The following CES1 variants were observed in gnomAD, a reference collection of about 807,000 sequenced individuals.
CES1 encodes liver carboxylesterase 1.
CES1 carries 50 observed loss-of-function variants against 53.0 expected under a neutral mutation model. That is an observed-to-expected ratio of 0.94 (90% confidence interval 0.75 to 1.19). The LOEUF (loss-of-function observed/expected upper bound fraction) is 1.19, where lower values mean the gene tolerates loss of function less well. Among genes scored for constraint, CES1 ranks in the 50% most tolerant of loss-of-function variants. CES1 has a pLI of 0.00. For missense variants in CES1, 534 were observed against 538.0 expected, an observed-to-expected ratio of 0.99 and a Z score of 0.07; for synonymous variants, 202 against 210.1, an observed-to-expected ratio of 0.96 and a Z score of 0.33.
chr16:55,810,696 C>G (rs758328420), intron 10 of CES1, 32 bp from the exon 11 acceptor site: 1 of 1,613,402 alleles, frequency 6.2e-7, no homozygotes, highest in Non-Finnish European at 8.5e-7. Context: ...CCACCAGCCC[C>G]GGGTGAGCGA....
intron 1 of CES1, among the ~76,000 whole-genome samples, chr16:55,830,925 G>A (rs1419879186): frequency 2.0e-5 from 3 of 152,162 alleles, no homozygotes; most frequent in Non-Finnish European, 2.9e-5. Context: ...TGGGGGAAAT[G>A]GAAGGGAAAG....
chr16:55,812,523 G>C (rs1449687176), intron 9 of CES1: 6 of 336,106 alleles, frequency 1.8e-5, no homozygotes, highest in Admixed American at 4.0e-5. Flanking sequence ...GGGGAATTAC[G>C]CACACCCAGC....
In CES1 at chr16:55,828,994, C is replaced by G. The variant is rs1362220736; in HGVS notation, c.53-20G>C. On this transcript the variant is annotated intron_variant, in intron 1 of 13. Coordinates refer to ENST00000360526, the MANE Select transcript of CES1 (RefSeq NM_001025195.2). ...GCCCTGCTGGACATGGAGAATAAAT[C>G]AGGATGCATCAGAGGCAAAAGGCTG... 1 of 1,580,874 alleles carries G rather than the reference C, an allele frequency of 6.3e-7. No individual in the cohort carries two copies. The highest frequency in any genetic ancestry group is 8.6e-7 in the Non-Finnish European group (1 of 1,162,874).
intron 10 of CES1, 124 bp downstream of exon 10, chr16:55,810,803 G>T: frequency 7.1e-7 from 1 of 1,411,310 alleles, no homozygotes; most frequent in East Asian, 2.3e-5. Flanking sequence ...AGTGGGAAAG[G>T]TGGAAAGATG....
At chr16:55,825,175 A>AGAAT (rs3064342) in intron 3 of CES1, among the ~76,000 whole-genome samples, 8,995 of 150,298 alleles carry the variant, frequency 0.06, 122 homozygotes, top group East Asian at 0.096. Flanking sequence ...ACACAATAGA[A>AGAAT]GAATGAATGA....
chr16:55,811,049 G>A, intron 9 of CES1, 39 bp from the exon 10 acceptor site: 1 of 1,507,622 alleles, frequency 6.6e-7, no homozygotes, highest in South Asian at 1.1e-5. Flanking sequence ...TGAATCATTG[G>A]GAATTAATGA....
chr16:55,815,693 G>C (rs2031911856), intron 8 of CES1, among the ~76,000 whole-genome samples: 1 of 151,704 alleles, frequency 6.6e-6, no homozygotes, highest in Non-Finnish European at 1.5e-5. Context: ...CCACAGCCCT[G>C]TCTAAGCAGC....
intron 5 of CES1, 143 bp downstream of exon 5, chr16:55,821,225 C>G (rs1417497803): frequency 3.6e-6 from 4 of 1,117,470 alleles, no homozygotes; most frequent in Non-Finnish European, 5.3e-6. Flanking sequence ...CTTTCTACCC[C>G]CTGATGCTGG....
At chr16:55,831,231 G>T (rs146941053) in intron 1 of CES1, among the ~76,000 whole-genome samples, 1 of 152,122 alleles carries the variant, frequency 6.6e-6, no homozygotes, top group East Asian at 1.9e-4. Flanking sequence ...GAGAGAGAAC[G>T]TTCCCATGTC....
At chr16:55,811,531 C>A (rs1424938598) in intron 9 of CES1, among the ~76,000 whole-genome samples, 1 of 152,138 alleles carries the variant, frequency 6.6e-6, no homozygotes, top group African/African-American at 2.4e-5. Flanking sequence ...CAACTCTTCC[C>A]AAACCTCTGC....
At position 55,816,899 on chromosome 16, in the gene CES1, T is replaced by C. The variant is rs747303901; in HGVS notation, c.945+25A>G. On this transcript the variant is annotated intron_variant, in intron 8 of 13. Coordinates refer to ENST00000360526, the MANE Select transcript of CES1 (RefSeq NM_001025195.2). Reference sequence around the variant, plus strand: ...TAAAGGTGCTAAGACTCAAAACCCGTAATCCAGAAACAAAAGGTCCTTACC... The same window carrying C: ...TAAAGGTGCTAAGACTCAAAACCCGCAATCCAGAAACAAAAGGTCCTTACC... The C allele has an allele frequency of 4.3e-6, 7 of 1,612,984 alleles. No homozygotes were observed. In the South Asian group the frequency reaches 7.7e-5, roughly 18 times the overall value.
intron 1 of CES1, among the ~76,000 whole-genome samples, chr16:55,831,115 G>T (rs28394287): frequency 0.047 from 7,081 of 150,456 alleles, 230 homozygotes; most frequent in Middle Eastern, 0.1. Context: ...TACGGTGGAT[G>T]TGTATGGCTT....
chr16:55,826,665 G>A (rs1191832646), intron 2 of CES1, among the ~76,000 whole-genome samples: 1 of 152,134 alleles, frequency 6.6e-6, no homozygotes, highest in Non-Finnish European at 1.5e-5. Flanking sequence ...CTCTAGTTTT[G>A]TCTCTCCCAT....
chr16:55,809,241 G>C (rs1430998676), intron 11 of CES1, among the ~76,000 whole-genome samples: 3 of 152,158 alleles, frequency 2.0e-5, no homozygotes, highest in African/African-American at 7.2e-5. Flanking sequence ...GCAAGTTTAA[G>C]AAAGAACAGA....
At chr16:55,817,426 T>G (rs2031990266) in intron 7 of CES1, among the ~76,000 whole-genome samples, 1 of 152,206 alleles carries the variant, frequency 6.6e-6, no homozygotes. Flanking sequence ...AACACATTTC[T>G]TTTTCTGTTC....
rs375059282 is a variant in CES1, at chr16:55,826,356, C to T, written c.261-61G>A. On this transcript the variant is annotated intron_variant, in intron 2 of 13. Transcript: ENST00000360526. ...CCAGATCTAAGCGAGGTGTTTTCTA[C>T]GGCAGCGCCTTGGACTGGGAGGTTT... The T allele has an allele frequency of 2.3e-4, 374 of 1,595,696 alleles. 2 individuals carry two copies. Among genetic ancestry groups the T allele is most frequent in the African/African-American group, 1.3e-3 (98 of 74,476 alleles).
At chr16:55,817,378 A>C (rs1241563230) in intron 7 of CES1, among the ~76,000 whole-genome samples, 2 of 151,920 alleles carry the variant, frequency 1.3e-5, no homozygotes, top group Non-Finnish European at 1.5e-5. Flanking sequence ...GAAGCCATCA[A>C]CTCCTGAGAT....
At chr16:55,824,764 T>C (rs1429983723) in intron 3 of CES1, among the ~76,000 whole-genome samples, 2 of 152,228 alleles carry the variant, frequency 1.3e-5, no homozygotes, top group East Asian at 1.9e-4. Flanking sequence ...CCTTGACTGA[T>C]CATATGTGAT....
intron 7 of CES1, among the ~76,000 whole-genome samples, chr16:55,818,944 A>C (rs193002799): frequency 6.6e-6 from 1 of 152,240 alleles, no homozygotes; most frequent in Non-Finnish European, 1.5e-5. Context: ...GAAAATAGAT[A>C]AATACAAAGT....
Sources: gnomAD v4.1 joint callset for allele counts (sites outside exome capture counted in the v4.1 genomes callset) on GRCh38, gnomAD v4.1.1 for gene constraint, MANE v1.5 for transcripts, NCBI Gene and HGNC (gene_info 2026-07-23, HGNC 2026-07-21) for gene names.